The following ZMAT1 variants were observed in gnomAD, a reference collection of about 807,000 sequenced individuals.
ZMAT1 encodes zinc finger matrin-type 1, also known as zinc finger matrin-type protein 1.
A neutral mutation model predicts 18.5 loss-of-function variants in ZMAT1; 11 were observed. That is an observed-to-expected ratio of 0.59 (90% CI 0.37 to 0.98). The LOEUF is 0.98. Ranked by LOEUF, ZMAT1 falls within the 50% of genes least tolerant of loss-of-function variation. ZMAT1 has a pLI of 0.01. For missense variants in ZMAT1, 525 were observed against 496.2 expected, an observed-to-expected ratio of 1.06 and a Z score of -0.55; for synonymous variants, 211 against 176.4, an observed-to-expected ratio of 1.20 and a Z score of -1.55.
intron 1 of ZMAT1, among the ~76,000 whole-genome samples, chrX:101,918,211 G>C: frequency 9.0e-6 from 1 of 111,001 alleles, no homozygotes; most frequent in East Asian, 2.8e-4. Context: ...GATAAATTAG[G>C]GGATGGATAC....
intron 2 of ZMAT1, among the ~76,000 whole-genome samples, chrX:101,903,207 C>G (rs1928372484): frequency 9.0e-6 from 1 of 111,436 alleles, no homozygotes; most frequent in African/African-American, 3.3e-5. Context: ...GTGCTAGGCA[C>G]TCTCACACAT....
At chrX:101,918,120 CACA>C (rs1285613635) in intron 1 of ZMAT1, among the ~76,000 whole-genome samples, 8 of 111,183 alleles carry the variant, frequency 7.2e-5, no homozygotes, top group African/African-American at 1.3e-4. Flanking sequence ...TATTTGATAG[CACA>C]ACAAGGTGCT....
In ZMAT1 at chrX:101,884,109, A is replaced by G. The variant is rs373365708; in HGVS notation, c.1489T>C (p.Leu497=). 96 of 1,208,040 alleles carry G rather than the reference A, an allele frequency of 7.9e-5. No homozygotes were observed. The highest frequency in any genetic ancestry group is 1.1e-4 in the Non-Finnish European group (94 of 894,902). Residue 497 remains leucine (L), a synonymous_variant, in exon 6 of 6, where the codon TTG becomes CTG. Coordinates refer to ENST00000651725, the MANE Select transcript of ZMAT1 (RefSeq NM_001394560.1). The part of the protein sequence containing the change: ...MVDVRPRHRM[L]EQKLPCETFQ... ...GTCTCACATGGGAGCTTTTGCTCCAACATTCTATGTCTGGGTCTGACATCA... is the reference window on the plus strand; with the variant it reads ...GTCTCACATGGGAGCTTTTGCTCCAGCATTCTATGTCTGGGTCTGACATCA...
intron 1 of ZMAT1, among the ~76,000 whole-genome samples, chrX:101,911,239 C>T (rs1041104555): frequency 1.8e-5 from 2 of 111,626 alleles, no homozygotes; most frequent in East Asian, 2.8e-4. Context: ...CAAATGCTGA[C>T]GGATTTCATC....
At chrX:101,931,611 G>A (rs867492220) in intron 1 of ZMAT1, 106 bp downstream of exon 1, 1 of 522,311 alleles carries the variant, frequency 1.9e-6, no homozygotes, top group South Asian at 1.1e-4. Flanking sequence ...GCCACGGCAG[G>A]TGGGGGTGGG....
At chrX:101,923,694 A>G (rs1331572453) in intron 1 of ZMAT1, among the ~76,000 whole-genome samples, 2 of 112,033 alleles carry the variant, frequency 1.8e-5, no homozygotes, top group Admixed American at 9.5e-5. Flanking sequence ...GTAATATTTT[A>G]ATAATTGCAA....
chrX:101,924,489 T>C (rs1367711347), intron 1 of ZMAT1, among the ~76,000 whole-genome samples: 2 of 112,343 alleles, frequency 1.8e-5, no homozygotes, highest in Non-Finnish European at 3.7e-5. Flanking sequence ...AAGTGGAATA[T>C]ACCATCTTTA....
At chrX:101,913,159 G>T (rs1228169550) in intron 1 of ZMAT1, among the ~76,000 whole-genome samples, 1 of 111,133 alleles carries the variant, frequency 9.0e-6, no homozygotes, top group Admixed American at 9.6e-5. Context: ...AGCCTCATGG[G>T]AACCTCAAAC....
At chrX:101,905,976 A>G (rs965646714) in intron 1 of ZMAT1, among the ~76,000 whole-genome samples, 21 of 111,124 alleles carry the variant, frequency 1.9e-4, no homozygotes, top group Admixed American at 4.8e-4. Context: ...AAGGTAGGAA[A>G]GAGAGTTTTA....
intron 4 of ZMAT1, among the ~76,000 whole-genome samples, chrX:101,893,996 G>A (rs1485459467): frequency 9.0e-6 from 1 of 110,963 alleles, no homozygotes; most frequent in Admixed American, 9.6e-5. Context: ...ATATTTAGAA[G>A]ATGAAGGAAT....
At chrX:101,901,933 G>T (rs373996285) in intron 2 of ZMAT1, among the ~76,000 whole-genome samples, 27 of 111,428 alleles carry the variant, frequency 2.4e-4, no homozygotes, top group East Asian at 2.0e-3. Context: ...AGTTTATTTT[G>T]CTAACACAAG....
chrX:101,903,688 G>A (rs769921222), intron 2 of ZMAT1, among the ~76,000 whole-genome samples: 1 of 111,701 alleles, frequency 9.0e-6, no homozygotes, highest in African/African-American at 3.2e-5. Flanking sequence ...GATTAGCCAT[G>A]GAGAAGTATT....
intron 1 of ZMAT1, among the ~76,000 whole-genome samples, chrX:101,912,475 TATATACAAGAACCAAATGAAGTCAGA>T (rs1288685985): frequency 3.4e-4 from 38 of 112,649 alleles, no homozygotes; most frequent in African/African-American, 1.1e-3. Flanking sequence ...ATGCCTTTCA[TATATACAAGAACCAAATGAAGTCAGA>T]ATTAGCCATT....
Position 101,898,000 on chromosome X carries a change from G to C in ZMAT1, c.544C>G (p.Leu182Val), listed in dbSNP as rs144995159. ...GGAGAGCTAAACATCATGTTGCAGAGATCACAAAATTTGTTTTTGTCCACT... is the reference window on the plus strand; with the variant it reads ...GGAGAGCTAAACATCATGTTGCAGACATCACAAAATTTGTTTTTGTCCACT... ...EGVDKNKFCD[L>V]CNMMFSSPLI... Residue 182 changes from leucine to valine, a missense_variant, in exon 4 of 6, where the codon CTC (leucine) becomes GTC (valine). Leu to Val is a conservative substitution (Grantham distance 32, BLOSUM62 1). Transcript: ENST00000651725. 1.6e-4 allele frequency: 197 copies of C among 1,209,721 alleles called. No homozygotes were observed. The highest frequency in any genetic ancestry group is 2.2e-4 in the Non-Finnish European group (193 of 895,124).
rs765384125 is a variant in ZMAT1 at position 101,925,666 on chromosome X, T to C, written c.292+6051A>G. On this transcript the variant is annotated intron_variant, in intron 1 of 5. Transcript: ENST00000651725. ...AATAATTTTTAAAATGTTCAACACA[T>C]GTAGGCACTTGATAAAGTATGCTTG... Among the ~76,000 whole-genome samples, 6 of 112,932 alleles carry C rather than the reference T, an allele frequency of 5.3e-5. No individual in the cohort carries two copies. The South Asian group carries it at 1.1e-3, about 20-fold the overall frequency.
intron 4 of ZMAT1, chrX:101,888,832 C>T (rs1368022195): frequency 4.5e-5 from 5 of 111,986 alleles, no homozygotes; most frequent in African/African-American, 1.6e-4. Flanking sequence ...AAAGATTGGA[C>T]ACCTCTACCC....
chrX:101,932,024 G>C lies in ZMAT1; in HGVS notation c.-16C>G. On this transcript the variant is annotated 5_prime_UTR_variant, in exon 1 of 6. Transcript: ENST00000651725. Reference sequence around the variant, plus strand: ...CCGCCGCCATCGCAGCGAGGCGCGCGGACAATTGCACTTGCGTCTCGATTC... The same window carrying C: ...CCGCCGCCATCGCAGCGAGGCGCGCCGACAATTGCACTTGCGTCTCGATTC... The C allele has an allele frequency of 1.3e-6, 1 of 765,998 alleles. No individual in the cohort carries two copies. The highest frequency in any genetic ancestry group is 1.5e-6 in the Non-Finnish European group (1 of 647,167). 63.1% of individuals were successfully genotyped at this position (765,998 alleles called of 1,213,427 possible).
At chrX:101,928,631 AC>A (rs750998446) in intron 1 of ZMAT1, among the ~76,000 whole-genome samples, 1 of 113,000 alleles carries the variant, frequency 8.8e-6, no homozygotes, top group African/African-American at 3.2e-5. Flanking sequence ...TGTTGGGATT[AC>A]AGGCGTGAGC....
chrX:101,929,485 AGAGAGAGAC>A (rs1336779589), intron 1 of ZMAT1, among the ~76,000 whole-genome samples: 145 of 101,379 alleles, frequency 1.4e-3, no homozygotes, highest in Middle Eastern at 5.1e-3. Context: ...AGAGAGAGAG[AGAGAGAGAC>A]ACACAAATAT....
Sources: allele counts gnomAD v4.1 joint callset (sites outside exome capture counted in the v4.1 genomes callset), GRCh38; gene constraint gnomAD v4.1.1; transcripts MANE v1.5; gene names NCBI Gene and HGNC (gene_info 2026-07-23, HGNC 2026-07-21).